TTC6: variants seen among roughly 807,000 people sequenced by gnomAD.
TTC6 encodes tetratricopeptide repeat protein 6.
A neutral mutation model predicts 210.4 loss-of-function variants in TTC6; 172 were observed. The ratio of observed to expected loss-of-function variants is 0.82; its 90% confidence interval spans 0.72 to 0.93. TTC6 has a LOEUF of 0.93. TTC6 is among the 40% of genes least tolerant of loss of function. The pLI is 0.00. For synonymous variants in TTC6, 804 were observed against 819.6 expected (o/e 0.98, Z 0.32); for missense variants, 2,414 against 2,318.1 (o/e 1.04, Z -0.85).
exon 29 of TTC6, chr14:37,827,254 A>T: frequency 6.2e-7 from 1 of 1,613,198 alleles, no homozygotes; most frequent in Non-Finnish European, 8.5e-7. Flanking sequence ...TTTATGGGCC[A>T]CAAACAGAAT....
At chr14:37,633,498 T>G (rs2095674128) in intron 1 of TTC6, among the ~76,000 whole-genome samples, 1 of 152,182 alleles carries the variant, frequency 6.6e-6, no homozygotes, top group East Asian at 1.9e-4. Flanking sequence ...GTACCTCAGT[T>G]GGAAATGCAG....
intron 12 of TTC6, among the ~76,000 whole-genome samples, chr14:37,750,596 A>G (rs1480453564): frequency 3.3e-5 from 5 of 152,192 alleles, no homozygotes; most frequent in East Asian, 1.9e-4. Context: ...TCAAAATTAA[A>G]TGAAATGGGC....
At chr14:37,828,499 C>T (rs933412238) in intron 29 of TTC6, among the ~76,000 whole-genome samples, 1 of 152,050 alleles carries the variant, frequency 6.6e-6, no homozygotes. Flanking sequence ...ATACACATAA[C>T]ATAAACTTTA....
intron 7 of TTC6, 127 bp downstream of exon 9, chr14:37,725,129 GGATT>G: frequency 2.0e-6 from 1 of 491,122 alleles, no homozygotes; most frequent in East Asian, 3.2e-5. Flanking sequence ...GCCATAATTA[GGATT>G]AATTGGATGT....
At chr14:37,657,212 CA>C (rs61052302) in intron 1 of TTC6, among the ~76,000 whole-genome samples, 3,060 of 35,446 alleles carry the variant, frequency 0.086, 20 homozygotes, top group African/African-American at 0.14. Flanking sequence ...AACTCTGTCT[CA>C]AAAAAAAAAA....
intron 29 of TTC6, among the ~76,000 whole-genome samples, chr14:37,832,377 C>G: frequency 2.6e-5 from 1 of 38,670 alleles, no homozygotes; most frequent in Non-Finnish European, 5.1e-5. Flanking sequence ...TTGGCTAGTT[C>G]TTGCTTTTCT....
chr14:37,709,347 G>A (rs1403710055), intron 5 of TTC6, among the ~76,000 whole-genome samples: 1 of 151,990 alleles, frequency 6.6e-6, no homozygotes. Context: ...CACAGTGGGT[G>A]GCAGAGATAG....
At chr14:37,832,775 T>C (rs1223237590) in intron 29 of TTC6, among the ~76,000 whole-genome samples, 3 of 152,028 alleles carry the variant, frequency 2.0e-5, no homozygotes, top group Non-Finnish European at 4.4e-5. Flanking sequence ...GAATGGGTAT[T>C]CTGGCCACGC....
chr14:37,749,712 A>T lies in TTC6; in HGVS notation c.2827-2A>T. ...AACTGAATTTTTACATATATTTTCT[A>T]GGTAATACTCTTGGAACCATTGTTT... On this transcript the variant is annotated splice_acceptor_variant, in intron 11 of 30. Coordinates refer to ENST00000553443, the Ensembl canonical transcript of TTC6. LOFTEE classifies it high-confidence loss of function. The T allele has an allele frequency of 7.2e-7, 1 of 1,387,534 alleles. No individual in the cohort carries two copies. The highest frequency in any genetic ancestry group is 9.3e-7 in the Non-Finnish European group (1 of 1,073,878). The allele number at this position is 1,387,534 out of a possible 1,614,324, so 86.0% of individuals were successfully genotyped here.
At chr14:37,785,666 C>T (rs912940160) in intron 14 of TTC6, among the ~76,000 whole-genome samples, 1 of 152,290 alleles carries the variant, frequency 6.6e-6, no homozygotes, top group Non-Finnish European at 1.5e-5. Flanking sequence ...CCGTTGCTGG[C>T]GAGGAGCTGC....
chr14:37,604,531 G>A (rs1471899898), intron 1 of TTC6, among the ~76,000 whole-genome samples: 3 of 152,066 alleles, frequency 2.0e-5, no homozygotes, highest in Non-Finnish European at 1.5e-5. Context: ...GAGTATTGTC[G>A]GAGCCCGCCT....
intron 3 of TTC6, among the ~76,000 whole-genome samples, chr14:37,685,040 T>C (rs2095791147): frequency 6.6e-6 from 1 of 152,174 alleles, no homozygotes; most frequent in Non-Finnish European, 1.5e-5. Context: ...ATAATGAAGG[T>C]GATTGGTATT....
At chr14:37,801,009 G>A (rs1433885312) in intron 20 of TTC6, among the ~76,000 whole-genome samples, 1 of 152,154 alleles carries the variant, frequency 6.6e-6, no homozygotes, top group Non-Finnish European at 1.5e-5. Flanking sequence ...TAAATGTTTT[G>A]AAACCTAATC....
intron 14 of TTC6, among the ~76,000 whole-genome samples, chr14:37,777,546 T>C (rs968608788): frequency 6.6e-6 from 1 of 152,214 alleles, no homozygotes; most frequent in African/African-American, 2.4e-5. Context: ...GTTTCAAATT[T>C]CACCTGAATC....
chr14:37,727,535 C>T lies in TTC6; in HGVS notation c.1818+2533C>T, dbSNP rs190111100. Among the ~76,000 whole-genome samples, 173 of 22,824 alleles carry T rather than the reference C, an allele frequency of 7.6e-3. 1 individual carries two copies. The highest frequency in any genetic ancestry group is 0.019 in the African/African-American group (161 of 8,694). The allele number at this position is 22,824 out of a possible 152,430, so 15.0% of individuals were successfully genotyped here. A position where few individuals can be genotyped will look rare whatever the true frequency, so the allele number is the denominator to read the frequency against. On this transcript the variant is annotated intron_variant, in intron 7 of 30. Transcript: ENST00000553443. The stretch of plus-strand genomic sequence containing the variant: ...GTCTTGATCTCCTGACCTTGTGATC[C>T]GCCCGCCTTGGCCTCCCAAAGTTCT...
At chr14:37,601,115 C>T (rs746243483) in intron 1 of TTC6, among the ~76,000 whole-genome samples, 9 of 152,118 alleles carry the variant, frequency 5.9e-5, no homozygotes, top group Admixed American at 3.9e-4. Context: ...ATGCAGCAGC[C>T]ACCACTGGAC....
chr14:37,806,501 A>T (rs1275458871), exon 22 of TTC6: 1 of 1,530,496 alleles, frequency 6.5e-7, no homozygotes, highest in East Asian at 2.5e-5. Flanking sequence ...TCAATCCAAA[A>T]CATTACCAGG....
chr14:37,657,212 CAAAAAAAAA>C (rs61052302), intron 1 of TTC6, among the ~76,000 whole-genome samples: 2 of 35,650 alleles, frequency 5.6e-5, no homozygotes, highest in African/African-American at 9.4e-5. Flanking sequence ...AACTCTGTCT[CAAAAAAAAA>C]AAAAAAAAAA....
intron 1 of TTC6, among the ~76,000 whole-genome samples, chr14:37,640,494 A>T (rs979064789): frequency 1.3e-5 from 2 of 152,168 alleles, no homozygotes; most frequent in Admixed American, 6.5e-5. Context: ...AATTTTTTTT[A>T]AAATACATAA....
Sources: gnomAD v4.1 joint callset for allele counts (sites outside exome capture counted in the v4.1 genomes callset) on GRCh38, gnomAD v4.1.1 for gene constraint, MANE v1.5 for transcripts, NCBI Gene and HGNC (gene_info 2026-07-23, HGNC 2026-07-21) for gene names.